The following TENM2 variants were observed in gnomAD, a reference collection of about 807,000 sequenced individuals.
The protein encoded by TENM2 is teneurin transmembrane protein 2, also known as teneurin-2.
In TENM2, 52 loss-of-function variants were observed where a neutral mutation model predicts 245.2. The observed-to-expected ratio is 0.21, with a 90% CI of 0.17 to 0.27. The LOEUF is 0.27. Among genes scored for constraint, TENM2 ranks in the 10% least tolerant of loss-of-function variants. The pLI is 1.00. For missense variants in TENM2, 3,046 were observed against 3,666.8 expected, an observed-to-expected ratio of 0.83 and a Z score of 4.37; for synonymous variants, 1,363 against 1,438.9, an observed-to-expected ratio of 0.95 and a Z score of 1.19.
chr5:167,368,183 T>C (rs1251607123), intron 1 of TENM2, among the ~76,000 whole-genome samples: 2 of 152,192 alleles, frequency 1.3e-5, no homozygotes, highest in Non-Finnish European at 2.9e-5. Flanking sequence ...AACCTAATTA[T>C]CAAAACTATA....
At chr5:167,044,128 G>A in the TENM2 span, among the ~76,000 whole-genome samples, 25 of 152,096 alleles carry the variant, frequency 1.6e-4, no homozygotes, top group African/African-American at 6.0e-4. Context: ...GAAAAGGCAG[G>A]CATGAGACTG....
chr5:167,266,147 A>G, the TENM2 span, among the ~76,000 whole-genome samples: 41 of 152,196 alleles, frequency 2.7e-4, no homozygotes, highest in Admixed American at 2.5e-3. Context: ...CTTTATTACA[A>G]TGATCATTTA....
rs57973052 is a variant in TENM2, at chr5:167,746,675, C to CAGAGAGAGAGAGAGAGAGAG, written c.503-129290_503-129271dup. Among the ~76,000 whole-genome samples, 168 of 117,164 alleles carry CAGAGAGAGAGAGAGAGAGAG rather than the reference C, an allele frequency of 1.4e-3. 1 individual carries two copies. The highest frequency in any genetic ancestry group is 8.8e-3 in the Middle Eastern group (2 of 226). 76.9% of individuals were successfully genotyped at this position (117,164 alleles called of 152,430 possible). On this transcript the variant is annotated intron_variant, in intron 2 of 28. Coordinates refer to ENST00000518659, the Ensembl canonical transcript of TENM2. ...GGGCACTGTAGAGCTAAATTACCAACAGAGAGAGAGAGAGAGAGAGAGAGA... is the reference window on the plus strand; with the variant it reads ...GGGCACTGTAGAGCTAAATTACCAACAGAGAGAGAGAGAGAGAGAGAGAGAGAGAGAGAGAGAGAGAGAGA...
the TENM2 span, among the ~76,000 whole-genome samples, chr5:167,238,492 T>C: frequency 6.6e-6 from 1 of 151,856 alleles, no homozygotes; most frequent in East Asian, 1.9e-4. Context: ...TAAGAGAGAG[T>C]GTTCTCAAAA....
chr5:167,239,503 C>G, the TENM2 span, among the ~76,000 whole-genome samples: 1 of 152,294 alleles, frequency 6.6e-6, no homozygotes, highest in East Asian at 1.9e-4. Flanking sequence ...AGTCCAGCTA[C>G]ATTAACATTG....
At chr5:167,724,834 G>A (rs540439002) in intron 2 of TENM2, among the ~76,000 whole-genome samples, 3 of 152,106 alleles carry the variant, frequency 2.0e-5, no homozygotes, top group Non-Finnish European at 2.9e-5. Context: ...GAAGACTGTC[G>A]AGCCCGCAGT....
the TENM2 span, among the ~76,000 whole-genome samples, chr5:167,214,460 T>C: frequency 1.3e-5 from 2 of 152,206 alleles, no homozygotes; most frequent in African/African-American, 4.8e-5. Context: ...CCTTCCTGCA[T>C]TTTTTGGTAA....
At chr5:168,109,762 G>C (rs1794524595) in intron 9 of TENM2, among the ~76,000 whole-genome samples, 1 of 152,202 alleles carries the variant, frequency 6.6e-6, no homozygotes, top group Admixed American at 6.5e-5. Flanking sequence ...TGCTTGGACT[G>C]CCCAAAGAGA....
intron 2 of TENM2, among the ~76,000 whole-genome samples, chr5:167,781,748 G>A (rs933980286): frequency 2.6e-5 from 4 of 152,182 alleles, no homozygotes; most frequent in Non-Finnish European, 4.4e-5. Flanking sequence ...AAGTTGGGCT[G>A]GTCGTGGTGG....
At chr5:167,939,919 A>G (rs1187057424) in intron 3 of TENM2, among the ~76,000 whole-genome samples, 1 of 152,192 alleles carries the variant, frequency 6.6e-6, no homozygotes, top group Non-Finnish European at 1.5e-5. Flanking sequence ...AAAGAGCCAC[A>G]GGAGATCCTG....
At chr5:167,650,111 G>C (rs971247809) in intron 2 of TENM2, among the ~76,000 whole-genome samples, 2 of 152,132 alleles carry the variant, frequency 1.3e-5, no homozygotes, top group African/African-American at 4.8e-5. Flanking sequence ...CCCAAGGCCA[G>C]AGAAATAAAG....
chr5:167,495,607 A>G (rs1228338063), intron 2 of TENM2, among the ~76,000 whole-genome samples: 5 of 152,064 alleles, frequency 3.3e-5, no homozygotes, highest in Admixed American at 3.3e-4. Context: ...CTGGCAATAT[A>G]CTATAGTGGT....
chr5:167,323,499 C>A (rs1425387458), intron 1 of TENM2, among the ~76,000 whole-genome samples: 1 of 152,074 alleles, frequency 6.6e-6, no homozygotes, highest in Non-Finnish European at 1.5e-5. Context: ...GATGTGTCCT[C>A]TGAATATCTA....
At chr5:168,005,978 G>A (rs1486852080) in intron 5 of TENM2, among the ~76,000 whole-genome samples, 2 of 152,190 alleles carry the variant, frequency 1.3e-5, no homozygotes, top group Non-Finnish European at 2.9e-5. Context: ...CAAATGCCTA[G>A]CTAGAGAGAA....
intron 2 of TENM2, among the ~76,000 whole-genome samples, chr5:167,720,774 T>C (rs1759573736): frequency 6.6e-6 from 1 of 152,202 alleles, no homozygotes. Flanking sequence ...CATCAGAGAT[T>C]TGAGTGAAAG....
chr5:167,824,276 C>T (rs1401650476), intron 2 of TENM2, among the ~76,000 whole-genome samples: 1 of 152,110 alleles, frequency 6.6e-6, no homozygotes, highest in Non-Finnish European at 1.5e-5. Flanking sequence ...ATATGCCTCA[C>T]CCTGCCACCA....
chr5:167,025,139 G>A, the TENM2 span, among the ~76,000 whole-genome samples: 2 of 151,982 alleles, frequency 1.3e-5, no homozygotes, highest in African/African-American at 2.4e-5. Context: ...GTATTTTAAT[G>A]GCCACACTTA....
chr5:167,056,102 G>A, the TENM2 span, among the ~76,000 whole-genome samples: 1 of 151,852 alleles, frequency 6.6e-6, no homozygotes, highest in Non-Finnish European at 1.5e-5. Context: ...ATTTTGCTGA[G>A]ATTTTTTTAT....
intron 2 of TENM2, among the ~76,000 whole-genome samples, chr5:167,703,390 A>C (rs936818220): frequency 6.6e-6 from 1 of 151,962 alleles, no homozygotes; most frequent in East Asian, 1.9e-4. Flanking sequence ...AAATTAGCCG[A>C]GCATGGTGGC....
Sources: allele counts gnomAD v4.1 joint callset (sites outside exome capture counted in the v4.1 genomes callset), GRCh38; gene constraint gnomAD v4.1.1; transcripts MANE v1.5; gene names NCBI Gene and HGNC (gene_info 2026-07-23, HGNC 2026-07-21).